Variants in PYHIN1 observed in about 807,000 individuals in gnomAD.
PYHIN1 encodes pyrin and HIN domain-containing protein 1.
PYHIN1 carries 32 observed loss-of-function variants against 43.7 expected under a neutral mutation model. The observed-to-expected ratio is 0.73, with a 90% CI of 0.55 to 0.98. PYHIN1 has a LOEUF of 0.98. PYHIN1 is among the 50% of genes least tolerant of loss of function. PYHIN1 has a pLI of 0.00. For synonymous variants in PYHIN1, 205 were observed against 203.1 expected (o/e 1.01, Z -0.08); for missense variants, 588 against 589.5 (o/e 1.00, Z 0.03).
At chr1:158,982,446 G>A in the PYHIN1 span, among the ~76,000 whole-genome samples, 5 of 152,064 alleles carry the variant, frequency 3.3e-5, no homozygotes, top group African/African-American at 1.2e-4. Flanking sequence ...AGATCCAATG[G>A]TTGTAGGTGT....
intron 7 of PYHIN1, among the ~76,000 whole-genome samples, chr1:158,972,382 A>G (rs1388783871): frequency 2.0e-5 from 3 of 152,148 alleles, no homozygotes; most frequent in South Asian, 2.1e-4. Flanking sequence ...TTTTTATTTT[A>G]CTATATTTCT....
chr1:158,966,850 A>C (rs1030623314), intron 7 of PYHIN1, among the ~76,000 whole-genome samples: 1 of 152,138 alleles, frequency 6.6e-6, no homozygotes, highest in Non-Finnish European at 1.5e-5. Context: ...GAGTACTAGA[A>C]ATCCCGGCCA....
chr1:158,976,474 G>T (rs1195576544), intron 8 of PYHIN1, among the ~76,000 whole-genome samples: 1 of 151,970 alleles, frequency 6.6e-6, no homozygotes, highest in Non-Finnish European at 1.5e-5. Context: ...GTGGGCTCAT[G>T]CTGGGTAGGA....
At chr1:158,969,758 C>T (rs1357234323) in intron 7 of PYHIN1, among the ~76,000 whole-genome samples, 1 of 151,966 alleles carries the variant, frequency 6.6e-6, no homozygotes, top group Admixed American at 6.6e-5. Flanking sequence ...CGCATAATGG[C>T]TTAGACAAAA....
the PYHIN1 span, among the ~76,000 whole-genome samples, chr1:158,984,046 G>GTATAT: frequency 2.4e-5 from 1 of 41,566 alleles, no homozygotes; most frequent in Non-Finnish European, 5.1e-5. Flanking sequence ...TTTTTTTTTT[G>GTATAT]TATATTAATC....
chr1:158,982,750 T>C, the PYHIN1 span, among the ~76,000 whole-genome samples: 1 of 152,048 alleles, frequency 6.6e-6, no homozygotes, highest in African/African-American at 2.4e-5. Context: ...ATTTTAACAA[T>C]ATTGATTCTT....
chr1:158,969,777 C>G (rs887417139), intron 7 of PYHIN1, among the ~76,000 whole-genome samples: 1 of 151,952 alleles, frequency 6.6e-6, no homozygotes, highest in South Asian at 2.1e-4. Flanking sequence ...AATGGAGTGA[C>G]AGTTTCTAAG....
intron 7 of PYHIN1, among the ~76,000 whole-genome samples, chr1:158,964,714 C>T (rs1571772777): frequency 6.6e-6 from 1 of 152,134 alleles, no homozygotes; most frequent in East Asian, 1.9e-4. Context: ...ACCAGACCTG[C>T]CTTATAAGAG....
At chr1:158,982,873 T>A in the PYHIN1 span, among the ~76,000 whole-genome samples, 1 of 151,744 alleles carries the variant, frequency 6.6e-6, no homozygotes, top group Non-Finnish European at 1.5e-5. Flanking sequence ...GTTAGCTGTA[T>A]TCCTATGTGT....
intron 7 of PYHIN1, chr1:158,945,303 A>G: frequency 3.5e-6 from 1 of 289,840 alleles, no homozygotes; most frequent in Non-Finnish European, 6.3e-6. Flanking sequence ...GGGAGGGGTA[A>G]TGGCCAGAGA....
chr1:158,974,151 C>T (rs2101738956), intron 8 of PYHIN1, among the ~76,000 whole-genome samples: 1 of 152,020 alleles, frequency 6.6e-6, no homozygotes, highest in African/African-American at 2.4e-5. Flanking sequence ...ATTCAAAATC[C>T]CTGTTTCTTT....
intron 4 of PYHIN1, 56 bp downstream of exon 4, chr1:158,939,303 T>C (rs2101651007): frequency 6.3e-7 from 1 of 1,582,882 alleles, no homozygotes; most frequent in African/African-American, 1.4e-5. Context: ...AATGTAGGAA[T>C]CTGATTTCAT....
At chr1:158,970,461 C>T (rs1339150093) in intron 7 of PYHIN1, among the ~76,000 whole-genome samples, 1 of 151,912 alleles carries the variant, frequency 6.6e-6, no homozygotes, top group East Asian at 1.9e-4. Flanking sequence ...TTCTGAGTCT[C>T]CAATGTCTAT....
At chr1:158,984,479 T>C in the PYHIN1 span, among the ~76,000 whole-genome samples, 1 of 152,188 alleles carries the variant, frequency 6.6e-6, no homozygotes, top group Non-Finnish European at 1.5e-5. Flanking sequence ...TGGTATTGAT[T>C]TGTATTTTTG....
At chr1:158,954,026 T>G (rs1374325533) in intron 7 of PYHIN1, among the ~76,000 whole-genome samples, 1 of 102,954 alleles carries the variant, frequency 9.7e-6, no homozygotes, top group Non-Finnish European at 2.0e-5. Context: ...ATGAATGAAA[T>G]GAAGCGAGAA....
At chr1:158,976,576 A>C (rs1356700093) in intron 8 of PYHIN1, 125 bp from the exon 9 acceptor site, 2 of 639,692 alleles carry the variant, frequency 3.1e-6, no homozygotes, top group Non-Finnish European at 5.5e-6. Flanking sequence ...ATGAGAAAAG[A>C]GTGCTTCAGA....
chr1:158,941,560 G>A (rs1325073298), intron 4 of PYHIN1, among the ~76,000 whole-genome samples: 4 of 152,162 alleles, frequency 2.6e-5, no homozygotes, highest in Admixed American at 1.3e-4. Context: ...TATGTGGTTT[G>A]TGGTGGACAC....
At chr1:158,990,708 C>G in the PYHIN1 span, among the ~76,000 whole-genome samples, 1 of 152,158 alleles carries the variant, frequency 6.6e-6, no homozygotes, top group Admixed American at 6.6e-5. Context: ...TTTACCACCA[C>G]TCTACTCTCT....
At chr1:158,937,296 T>C (rs1340543323) in intron 2 of PYHIN1, 121 bp downstream of exon 2, 5 of 1,050,698 alleles carry the variant, frequency 4.8e-6, no homozygotes, top group African/African-American at 1.6e-5. Context: ...TCACTGGCCA[T>C]GGCAATGTTG....
Sources: allele counts gnomAD v4.1 joint callset (sites outside exome capture counted in the v4.1 genomes callset), GRCh38; gene constraint gnomAD v4.1.1; transcripts MANE v1.5; gene names NCBI Gene and HGNC (gene_info 2026-07-23, HGNC 2026-07-21).